The following GNB1 variants were observed in gnomAD, a reference collection of about 807,000 sequenced individuals.
GNB1 encodes the protein G protein subunit beta 1.
GNB1 carries 2 observed loss-of-function variants against 42.9 expected under a neutral mutation model. That is an observed-to-expected ratio of 0.05 (90% CI 0.02 to 0.15). The LOEUF (loss-of-function observed/expected upper bound fraction) is 0.15, where lower values mean the gene tolerates loss of function less well. Among genes scored for constraint, GNB1 ranks in the 10% least tolerant of loss-of-function variants. The pLI is 1.00. For missense variants in GNB1, 193 were observed against 462.2 expected (o/e 0.42, Z 5.34); for synonymous variants, 183 against 174.7 (o/e 1.05, Z -0.38).
chr1:1,795,896 C>T (rs879156560), intron 7 of GNB1, among the ~76,000 whole-genome samples: 7 of 152,142 alleles, frequency 4.6e-5, no homozygotes, highest in East Asian at 1.9e-4. Flanking sequence ...AGCTCTCAAG[C>T]GCTGATAAAA....
chr1:1,840,321 G>A (rs1210242051), intron 1 of GNB1, among the ~76,000 whole-genome samples: 1 of 151,788 alleles, frequency 6.6e-6, no homozygotes, highest in Non-Finnish European at 1.5e-5. Context: ...AAGGTAAAGA[G>A]TTCGAGACCA....
intron 3 of GNB1, among the ~76,000 whole-genome samples, chr1:1,822,734 G>T (rs1557904158): frequency 6.6e-6 from 1 of 152,142 alleles, no homozygotes; most frequent in Non-Finnish European, 1.5e-5. Flanking sequence ...ACGTGACAGG[G>T]TCCAAACCTC....
At position 1,790,542 on chromosome 1, in the gene GNB1, A is replaced by G; in HGVS notation, c.552T>C (p.Thr184=). The change falls in exon 9 of 12, where the codon ACT becomes ACC. Residue 184 remains threonine (T), a synonymous_variant. Coordinates refer to ENST00000378609, the MANE Select transcript of GNB1 (RefSeq NM_002074.5). This position sits in a 1 kb window ranked among gnomAD's most constrained non-coding sequence, Gnocchi z 5.4. The part of the protein sequence containing the change: ...GQQTTTFTGH[T]GDVMSLSLAP... ...CAAGAGAAAGGCTCATGACATCTCC[A>G]GTGTGTCCGGTAAACGTGGTCGTCT... 6.2e-7 allele frequency: 1 copy of G among 1,613,724 alleles called. No individual in the cohort carries two copies. The highest frequency in any genetic ancestry group is 2.2e-5 in the East Asian group (1 of 44,870).
intron 1 of GNB1, among the ~76,000 whole-genome samples, chr1:1,875,757 G>A (rs1557947319): frequency 6.6e-6 from 1 of 152,132 alleles, no homozygotes; most frequent in African/African-American, 2.4e-5. Flanking sequence ...AAGGGGAATG[G>A]GAAGACATGG....
At chr1:1,803,988 A>C (rs1475373601) in intron 7 of GNB1, among the ~76,000 whole-genome samples, 54 of 84,310 alleles carry the variant, frequency 6.4e-4, no homozygotes, top group Non-Finnish European at 1.2e-3. Flanking sequence ...TCTTTAAAAA[A>C]AAAAAAAAAA....
chr1:1,829,836 T>C (rs986906876), intron 2 of GNB1, among the ~76,000 whole-genome samples: 1 of 152,062 alleles, frequency 6.6e-6, no homozygotes, highest in African/African-American at 2.4e-5. Context: ...CCTCCCGATT[T>C]CAAGCGATTC....
chr1:1,869,626 TCA>T (rs1187665553), intron 1 of GNB1, among the ~76,000 whole-genome samples: 2 of 152,204 alleles, frequency 1.3e-5, no homozygotes, highest in Non-Finnish European at 2.9e-5. Context: ...ATTTGTCTTA[TCA>T]CAGTTATTCA....
chr1:1,855,431 G>C (rs947642654), intron 1 of GNB1, among the ~76,000 whole-genome samples: 1 of 152,126 alleles, frequency 6.6e-6, no homozygotes, highest in East Asian at 1.9e-4. Flanking sequence ...GCCGGGCGCG[G>C]TGGCTCACGC....
In GNB1 at chr1:1,849,278, T is replaced by C. The variant is rs143718180; in HGVS notation, c.-95-10040A>G. ...TGCTGTATATATCTCTTCATTTGCCTGGTCTGATTTATATTAAACTAGATA... is the reference window on the plus strand; with the variant it reads ...TGCTGTATATATCTCTTCATTTGCCCGGTCTGATTTATATTAAACTAGATA... On this transcript the variant is annotated intron_variant, in intron 1 of 11. Coordinates refer to ENST00000378609, the MANE Select transcript of GNB1 (RefSeq NM_002074.5). Among the ~76,000 whole-genome samples, 1,065 of 152,340 alleles carry C rather than the reference T, an allele frequency of 7.0e-3. 6 individuals are homozygous for C. The highest frequency in any genetic ancestry group is 0.012 in the Non-Finnish European group (801 of 68,036).
chr1:1,809,893 G>T (rs566314069), intron 5 of GNB1, among the ~76,000 whole-genome samples: 1 of 152,242 alleles, frequency 6.6e-6, no homozygotes, highest in South Asian at 2.1e-4. Flanking sequence ...CAGGCTCCAG[G>T]ACCCTGAAAG....
chr1:1,882,654 G>A (rs1434653118), intron 1 of GNB1, among the ~76,000 whole-genome samples: 1 of 152,150 alleles, frequency 6.6e-6, no homozygotes, highest in African/African-American at 2.4e-5. Flanking sequence ...AGGGCGTGGT[G>A]GCTCACGCCT....
Position 1,833,552 on chromosome 1 carries a change from G to A in GNB1, c.-47+5638C>T, listed in dbSNP as rs545312254. Among the ~76,000 whole-genome samples the A allele has an allele frequency of 2.9e-4, 44 of 152,288 alleles. No individual in the cohort carries two copies. In the South Asian group the frequency reaches 8.5e-3, roughly 29 times the overall value. ...CCTCCAACACAACAGGCACTGTAGA[G>A]CCTCAGCATGGTGCTGAGCAGCATG... On this transcript the variant is annotated intron_variant, in intron 2 of 11. Coordinates refer to ENST00000378609, the MANE Select transcript of GNB1 (RefSeq NM_002074.5).
intron 1 of GNB1, among the ~76,000 whole-genome samples, chr1:1,865,240 T>G (rs1453041010): frequency 1.6e-5 from 2 of 125,292 alleles, no homozygotes; most frequent in Admixed American, 1.8e-4. Context: ...CCAGCCTGGG[T>G]GACAGAGTGA....
intron 8 of GNB1, among the ~76,000 whole-genome samples, chr1:1,792,604 G>A (rs1646495543): frequency 6.6e-6 from 1 of 151,204 alleles, no homozygotes; most frequent in African/African-American, 2.4e-5. Flanking sequence ...AGGCTGAGAG[G>A]GGAGAATTGC....
At chr1:1,883,640 A>G (rs990693502) in intron 1 of GNB1, among the ~76,000 whole-genome samples, 5 of 152,240 alleles carry the variant, frequency 3.3e-5, no homozygotes, top group Admixed American at 6.5e-5. Context: ...TGTTTCACAG[A>G]TAAGGACAGA....
chr1:1,864,796 C>CA (rs1648832195), intron 1 of GNB1, among the ~76,000 whole-genome samples: 1 of 152,212 alleles, frequency 6.6e-6, no homozygotes, highest in East Asian at 1.9e-4. Context: ...TTACTCACTG[C>CA]ATCTTAGAGT....
chr1:1,801,969 G>C (rs552436133), intron 7 of GNB1, among the ~76,000 whole-genome samples: 1 of 152,300 alleles, frequency 6.6e-6, no homozygotes, highest in Non-Finnish European at 1.5e-5. Context: ...CATTATGAGT[G>C]AGAAAGAACA....
chr1:1,861,982 CTT>C (rs2101658296), intron 1 of GNB1, among the ~76,000 whole-genome samples: 1 of 152,238 alleles, frequency 6.6e-6, no homozygotes, highest in East Asian at 1.9e-4. Flanking sequence ...AAGAGAATCA[CTT>C]GAGCCCCGGG....
chr1:1,798,550 A>G (rs968316045), intron 7 of GNB1, among the ~76,000 whole-genome samples: 3 of 152,236 alleles, frequency 2.0e-5, no homozygotes, highest in African/African-American at 2.4e-5. Flanking sequence ...ATCTGTAGCC[A>G]TCTTGATCAG....
Sources: gnomAD v4.1 joint callset for allele counts (sites outside exome capture counted in the v4.1 genomes callset) on GRCh38, gnomAD v4.1.1 for gene constraint, Gnocchi (gnomAD v3.1) non-coding constraint, MANE v1.5 for transcripts, NCBI Gene and HGNC (gene_info 2026-07-23, HGNC 2026-07-21) for gene names.